The following CCNH variants were observed in gnomAD, a reference collection of about 807,000 sequenced individuals.
CCNH encodes the protein cyclin-H.
Under a neutral mutation model 41.9 loss-of-function variants are expected in CCNH, and 31 were observed. That is an observed-to-expected ratio of 0.74 (90% CI 0.56 to 1.00). CCNH has a LOEUF of 1.00. Ranked by LOEUF, CCNH falls within the 50% of genes least tolerant of loss-of-function variation. The pLI, the probability that CCNH is intolerant of heterozygous loss-of-function variation, is 0.00. For missense variants in CCNH, 362 were observed against 388.4 expected (o/e 0.93, Z 0.57); for synonymous variants, 138 against 136.1 (o/e 1.01, Z -0.10).
chr5:87,362,850 C>T (rs1760216748), intron 9 of CCNH, among the ~76,000 whole-genome samples: 1 of 151,264 alleles, frequency 6.6e-6, no homozygotes, highest in Non-Finnish European at 1.5e-5. Flanking sequence ...TAAAAGTCTA[C>T]ATTTTCAACC....
exon 1 of CCNH, chr5:87,376,752 A>C: frequency 8.3e-7 from 1 of 1,211,054 alleles, no homozygotes; most frequent in African/African-American, 1.5e-5. Flanking sequence ...ATTCTATTTT[A>C]AATAAATTTA....
At chr5:87,364,372 C>CAAAT (rs1389854024) in intron 9 of CCNH, among the ~76,000 whole-genome samples, 1 of 152,046 alleles carries the variant, frequency 6.6e-6, no homozygotes, top group Non-Finnish European at 1.5e-5. Context: ...TTAAAATGAT[C>CAAAT]AAATAGGTTT....
chr5:87,371,110 C>T (rs541286031), intron 9 of CCNH, among the ~76,000 whole-genome samples: 1 of 152,076 alleles, frequency 6.6e-6, no homozygotes, highest in Non-Finnish European at 1.5e-5. Flanking sequence ...ACCATGGTCC[C>T]TCTTTCTGAA....
intron 9 of CCNH, among the ~76,000 whole-genome samples, chr5:87,354,026 T>C (rs34502667): frequency 0.017 from 2,584 of 152,232 alleles, 46 homozygotes; most frequent in Middle Eastern, 0.068. Flanking sequence ...GGGTTTTGGG[T>C]ACCCAGCTGC....
the CCNH span, among the ~76,000 whole-genome samples, chr5:87,311,852 C>T: frequency 6.6e-6 from 1 of 152,196 alleles, no homozygotes; most frequent in Non-Finnish European, 1.5e-5. Context: ...TATGGTGTGG[C>T]TGAAGGCTTT....
downstream of CCNH, chr5:87,375,050 G>A (rs1284854756): frequency 1.7e-6 from 2 of 1,208,702 alleles, no homozygotes; most frequent in Admixed American, 2.9e-5. Flanking sequence ...GTTTCTTTCT[G>A]TACTTCTTAA....
chr5:87,389,340 CAA>C (rs368043768), downstream of CCNH: 4,556 of 1,581,158 alleles, frequency 2.9e-3, 13 homozygotes, highest in Non-Finnish European at 3.4e-3. Context: ...TCAAAAAAAA[CAA>C]AAAAAAAGAA....
chr5:87,352,526 A>G (rs531971125), intron 9 of CCNH, among the ~76,000 whole-genome samples: 1 of 151,974 alleles, frequency 6.6e-6, no homozygotes, highest in Admixed American at 6.6e-5. Flanking sequence ...ACTAAAATTT[A>G]TATTAAAATA....
intron 9 of CCNH, among the ~76,000 whole-genome samples, chr5:87,382,929 TA>T (rs200006864): frequency 0.03 from 4,229 of 138,662 alleles, 137 homozygotes; most frequent in African/African-American, 0.091. Context: ...CAAAAATAAT[TA>T]AAAAAAAAAA....
chr5:87,323,304 G>A (rs1756962129), intron 9 of CCNH, among the ~76,000 whole-genome samples: 1 of 152,082 alleles, frequency 6.6e-6, no homozygotes, highest in Non-Finnish European at 1.5e-5. Flanking sequence ...ATTGCCTAAC[G>A]CATAATAGGA....
At chr5:87,328,936 T>C (rs1429575874) in intron 9 of CCNH, among the ~76,000 whole-genome samples, 1 of 151,300 alleles carries the variant, frequency 6.6e-6, no homozygotes, top group Non-Finnish European at 1.5e-5. Context: ...TCAAATCAAC[T>C]AAGTAAATAT....
At chr5:87,338,536 A>ATATATATATTTT in intron 9 of CCNH, among the ~76,000 whole-genome samples, 20 of 85,218 alleles carry the variant, frequency 2.3e-4, no homozygotes, top group Non-Finnish European at 2.8e-4. Context: ...TATATATAAA[A>ATATATATATTTT]TTTTTTTTTT....
chr5:87,324,436 G>C (rs1195321134), intron 9 of CCNH, among the ~76,000 whole-genome samples: 2 of 152,152 alleles, frequency 1.3e-5, no homozygotes, highest in Non-Finnish European at 2.9e-5. Context: ...GTGCATTTCA[G>C]TGTAAACTTT....
upstream of CCNH, among the ~76,000 whole-genome samples, chr5:87,379,469 CT>C (rs1262826271): frequency 2.6e-5 from 4 of 152,216 alleles, no homozygotes; most frequent in Middle Eastern, 0.01. Context: ...TTTTAATCAG[CT>C]TTTTTTCCCC....
chr5:87,316,819 G>A (rs536532341), downstream of CCNH, among the ~76,000 whole-genome samples: 3 of 152,160 alleles, frequency 2.0e-5, no homozygotes, highest in South Asian at 2.1e-4. Flanking sequence ...AAATTAAAGC[G>A]GCTCTAAAGT....
Position 87,409,326 on chromosome 5 carries a change from T to C in CCNH, c.278A>G (p.Asn93Ser). ...GGGGTGATATTCCATTACTGAGTTA[T>C]TAAGATAAAAACGTTTGAAATACAT... ...ACMYFKRFYL[N>S]NSVMEYHPRI... Residue 93 changes from asparagine (N) to serine (S), a missense_variant, in exon 3 of 9, where the codon AAT becomes AGT. Physicochemically the swap from Asn to Ser is conservative, Grantham distance 46. Coordinates refer to ENST00000256897, the MANE Select transcript of CCNH (RefSeq NM_001239.4). 6.3e-7 allele frequency: 1 copy of C among 1,575,534 alleles called. No homozygotes were observed. The highest frequency in any genetic ancestry group is 1.7e-4 in the Middle Eastern group (1 of 5,962).
chr5:87,363,662 T>C (rs1357788862), intron 9 of CCNH, among the ~76,000 whole-genome samples: 1 of 152,098 alleles, frequency 6.6e-6, no homozygotes, highest in Non-Finnish European at 1.5e-5. Flanking sequence ...TGTAGACTAA[T>C]ATATACATAA....
downstream of CCNH, chr5:87,376,193 C>A: frequency 1.6e-6 from 1 of 635,472 alleles, no homozygotes; most frequent in Non-Finnish European, 2.7e-6. Flanking sequence ...CATCTCTGTA[C>A]TCTCTACCTA....
intron 9 of CCNH, chr5:87,331,622 T>G: frequency 9.1e-7 from 1 of 1,097,848 alleles, no homozygotes; most frequent in Non-Finnish European, 1.3e-6. Context: ...GAAGCTTGTT[T>G]TCAGTCAAAT....
Sources: allele counts gnomAD v4.1 joint callset (sites outside exome capture counted in the v4.1 genomes callset), GRCh38; gene constraint gnomAD v4.1.1; transcripts MANE v1.5; gene names NCBI Gene and HGNC (gene_info 2026-07-23, HGNC 2026-07-21).